Variants in VWA8 observed in about 807,000 individuals in gnomAD.
The protein encoded by VWA8 is von Willebrand factor A domain containing 8, also known as von Willebrand factor A domain-containing protein 8.
VWA8 carries 221 observed loss-of-function variants against 241.5 expected under a neutral mutation model. That is an observed-to-expected ratio of 0.91 (90% CI 0.82 to 1.02). The LOEUF (loss-of-function observed/expected upper bound fraction) is 1.02, where lower values mean the gene tolerates loss of function less well. VWA8 is among the 50% of genes least tolerant of loss of function. The pLI, the probability that VWA8 is intolerant of heterozygous loss-of-function variation, is 0.00. For missense variants in VWA8, 2,322 were observed against 2,328.7 expected (o/e 1.00, Z 0.06); for synonymous variants, 852 against 827.1 (o/e 1.03, Z -0.52).
chr13:41,801,639 T>C (rs186738297), intron 17 of VWA8, among the ~76,000 whole-genome samples: 3 of 152,362 alleles, frequency 2.0e-5, no homozygotes, highest in Admixed American at 6.5e-5. Context: ...AAGAAAATTC[T>C]ACAAGCCAAT....
chr13:41,686,661 C>G (rs544249770), intron 34 of VWA8, among the ~76,000 whole-genome samples: 1 of 152,264 alleles, frequency 6.6e-6, no homozygotes, highest in South Asian at 2.1e-4. Context: ...CCCTCTCCAA[C>G]AGTTAAAAAT....
At chr13:41,895,648 GAA>G (rs1225697911) in intron 4 of VWA8, among the ~76,000 whole-genome samples, 4 of 152,030 alleles carry the variant, frequency 2.6e-5, no homozygotes, top group African/African-American at 9.7e-5. Flanking sequence ...AAAAATATCT[GAA>G]AAGAGAGGTA....
intron 37 of VWA8, among the ~76,000 whole-genome samples, chr13:41,642,932 A>T (rs910030788): frequency 6.6e-6 from 1 of 152,236 alleles, no homozygotes; most frequent in Non-Finnish European, 1.5e-5. Context: ...CTGACTCAAA[A>T]AAAAAAGTCC....
chr13:41,754,526 C>T (rs2045680096), intron 21 of VWA8, among the ~76,000 whole-genome samples: 1 of 152,078 alleles, frequency 6.6e-6, no homozygotes, highest in Non-Finnish European at 1.5e-5. Context: ...TTGATACAAG[C>T]ATGCAATGCA....
chr13:41,811,645 A>G (rs1870479578), intron 16 of VWA8, among the ~76,000 whole-genome samples: 2 of 152,150 alleles, frequency 1.3e-5, no homozygotes, highest in African/African-American at 4.8e-5. Flanking sequence ...GTCACACTGG[A>G]CTTAGGCTGT....
At chr13:41,939,188 G>A (rs1235977938) in intron 2 of VWA8, among the ~76,000 whole-genome samples, 3 of 152,140 alleles carry the variant, frequency 2.0e-5, no homozygotes, top group Non-Finnish European at 4.4e-5. Context: ...TAACTCTGAG[G>A]TCAGGTTGAA....
chr13:41,614,836 C>T, intron 38 of VWA8, 140 bp downstream of exon 38: 1 of 824,936 alleles, frequency 1.2e-6, no homozygotes, highest in South Asian at 1.7e-5. Flanking sequence ...GGGCAGAGGG[C>T]AAGACAACAA....
chr13:41,693,296 G>A (rs1037763514), intron 29 of VWA8, among the ~76,000 whole-genome samples: 10 of 151,860 alleles, frequency 6.6e-5, no homozygotes, highest in Admixed American at 2.6e-4. Context: ...GTTGAACCAT[G>A]ATTCTGTTTT....
Position 41,611,866 on chromosome 13 carries a change from T to C in VWA8, c.4721-134A>G, listed in dbSNP as rs2044591483. The C allele has an allele frequency of 6.8e-6, 7 of 1,023,342 alleles. No individual in the cohort carries two copies. The South Asian group carries it at 8.6e-5, about 13-fold the overall frequency. 63.4% of individuals were successfully genotyped at this position (1,023,342 alleles called of 1,614,324 possible). A position where few individuals can be genotyped will look rare whatever the true frequency, so the allele number is the denominator to read the frequency against. On this transcript the variant is annotated intron_variant, in intron 38 of 44. Coordinates refer to ENST00000379310, the MANE Select transcript of VWA8 (RefSeq NM_015058.2). ...CTAGTAATTAAACAGTCAAATTACCTTCTGGAAAAAGATGTATTCTCTTGT... is the reference window on the plus strand; with the variant it reads ...CTAGTAATTAAACAGTCAAATTACCCTCTGGAAAAAGATGTATTCTCTTGT...
chr13:41,706,214 C>T (rs998757878), intron 26 of VWA8, among the ~76,000 whole-genome samples: 1 of 152,228 alleles, frequency 6.6e-6, no homozygotes, highest in Admixed American at 6.5e-5. Flanking sequence ...CTGGTTTGAA[C>T]TTGCCAACTC....
chr13:41,720,801 G>C (rs1268849196), intron 25 of VWA8, among the ~76,000 whole-genome samples: 1 of 152,046 alleles, frequency 6.6e-6, no homozygotes, highest in Non-Finnish European at 1.5e-5. Flanking sequence ...TTAGCTTGGA[G>C]ACCCTTATTT....
intron 37 of VWA8, among the ~76,000 whole-genome samples, chr13:41,624,763 C>A (rs565644518): frequency 6.6e-6 from 1 of 152,152 alleles, no homozygotes; most frequent in Admixed American, 6.6e-5. Flanking sequence ...AGAATCGAAA[C>A]AAGACAAGGA....
chr13:41,909,079 G>T (rs1480092671), intron 3 of VWA8, among the ~76,000 whole-genome samples: 3 of 146,158 alleles, frequency 2.1e-5, no homozygotes, highest in African/African-American at 7.6e-5. Context: ...TTTTGAGATA[G>T]TCTCACTCTG....
chr13:41,837,593 T>A (rs1871797509), intron 12 of VWA8, among the ~76,000 whole-genome samples: 1 of 152,198 alleles, frequency 6.6e-6, no homozygotes. Context: ...GAATATTTGG[T>A]TTGTAGTACC....
At chr13:41,688,478 G>T (rs966690752) in intron 34 of VWA8, among the ~76,000 whole-genome samples, 2 of 152,070 alleles carry the variant, frequency 1.3e-5, no homozygotes, top group African/African-American at 4.8e-5. Context: ...TCCATCAGAG[G>T]AAGATGTCGC....
chr13:41,778,129 A>G (rs1206713415), intron 19 of VWA8, 73 bp from the exon 20 acceptor site: 3 of 1,049,754 alleles, frequency 2.9e-6, no homozygotes, highest in Non-Finnish European at 4.1e-6. Context: ...CTATAAAGAT[A>G]TCTTTATAGA....
intron 20 of VWA8, among the ~76,000 whole-genome samples, chr13:41,777,328 A>T (rs1252849644): frequency 6.6e-6 from 1 of 152,324 alleles, no homozygotes; most frequent in African/African-American, 2.4e-5. Context: ...CTCTTCCATG[A>T]GTTAAAGGGA....
At chr13:41,758,369 C>CGT (rs1345070517) in intron 21 of VWA8, among the ~76,000 whole-genome samples, 1 of 72,988 alleles carries the variant, frequency 1.4e-5, no homozygotes, top group African/African-American at 5.5e-5. Flanking sequence ...TAGATACTAG[C>CGT]ATATATATAT....
intron 15 of VWA8, among the ~76,000 whole-genome samples, chr13:41,816,983 C>A (rs894748491): frequency 2.6e-5 from 4 of 152,180 alleles, no homozygotes; most frequent in Admixed American, 6.5e-5. Flanking sequence ...CTTTAAGAAT[C>A]AGGTAACTTA....
Sources: allele counts gnomAD v4.1 joint callset (sites outside exome capture counted in the v4.1 genomes callset), GRCh38; gene constraint gnomAD v4.1.1; transcripts MANE v1.5; gene names NCBI Gene and HGNC (gene_info 2026-07-23, HGNC 2026-07-21).